The following GRAMD1B variants were observed in gnomAD, a reference collection of about 807,000 sequenced individuals.
The protein encoded by GRAMD1B is GRAM domain containing 1B.
In GRAMD1B, 37 loss-of-function variants were observed where a neutral mutation model predicts 99.7. The ratio of observed to expected loss-of-function variants is 0.37; its 90% confidence interval spans 0.29 to 0.49. The LOEUF is 0.49. Among genes scored for constraint, GRAMD1B ranks in the 20% least tolerant of loss-of-function variants. The probability of loss-of-function intolerance (pLI) is 0.98; values close to 1 mark genes in which losing one functional copy is unlikely to be tolerated. For missense variants in GRAMD1B, 888 were observed against 1,009.2 expected (o/e 0.88, Z 1.63); for synonymous variants, 427 against 387.6 (o/e 1.10, Z -1.19).
intron 1 of GRAMD1B, among the ~76,000 whole-genome samples, chr11:123,439,398 C>G (rs531405556): frequency 6.6e-6 from 1 of 152,314 alleles, no homozygotes; most frequent in East Asian, 1.9e-4. Context: ...TTCAAATATC[C>G]TCTTCTGTTA....
intron 1 of GRAMD1B, among the ~76,000 whole-genome samples, chr11:123,410,401 G>T (rs956589604): frequency 2.0e-5 from 3 of 152,142 alleles, no homozygotes. Flanking sequence ...AGAAGCAGAA[G>T]ATTTCTTGCC....
chr11:123,598,165 T>G, intron 7 of GRAMD1B: 1 of 1,541,078 alleles, frequency 6.5e-7, no homozygotes, highest in Non-Finnish European at 9.0e-7. Context: ...ATGAGCATGA[T>G]GCCATTCAGC....
At chr11:123,597,859 A>G in intron 7 of GRAMD1B, 1 of 749,420 alleles carries the variant, frequency 1.3e-6, no homozygotes. Context: ...AAAGGTCTTT[A>G]AGAGGATTTG....
intron 2 of GRAMD1B, among the ~76,000 whole-genome samples, chr11:123,491,050 T>C (rs1345726370): frequency 6.6e-6 from 1 of 152,194 alleles, no homozygotes; most frequent in Admixed American, 6.5e-5. Context: ...AAGACATTTG[T>C]GGCTGGGTGC....
intron 2 of GRAMD1B, among the ~76,000 whole-genome samples, chr11:123,516,766 C>T (rs750008540): frequency 1.3e-5 from 2 of 152,130 alleles, no homozygotes; most frequent in African/African-American, 2.4e-5. Flanking sequence ...AGACTTGTTG[C>T]CTTATATTTT....
At chr11:123,570,569 G>A (rs971105655) in intron 2 of GRAMD1B, among the ~76,000 whole-genome samples, 18 of 151,786 alleles carry the variant, frequency 1.2e-4, no homozygotes, top group African/African-American at 3.9e-4. Context: ...GATTACAGGT[G>A]TGCACCACCA....
chr11:123,409,914 C>T (rs893635925), intron 1 of GRAMD1B, among the ~76,000 whole-genome samples: 1 of 152,156 alleles, frequency 6.6e-6, no homozygotes, highest in Non-Finnish European at 1.5e-5. Flanking sequence ...CCTTTAGTGG[C>T]GAACAATAGT....
intron 2 of GRAMD1B, among the ~76,000 whole-genome samples, chr11:123,487,398 G>A (rs1307769023): frequency 6.6e-6 from 1 of 152,176 alleles, no homozygotes; most frequent in African/African-American, 2.4e-5. Context: ...CATAAGCATG[G>A]AGGCGGGAGA....
chr11:123,559,623 A>G, intron 2 of GRAMD1B: 1 of 979,654 alleles, frequency 1.0e-6, no homozygotes, highest in Non-Finnish European at 1.2e-6. Context: ...TGGACAGAGA[A>G]AAAAAAAACA....
intron 3 of GRAMD1B, chr11:123,578,381 A>G (rs1592100031): frequency 1.3e-6 from 2 of 1,517,950 alleles, no homozygotes. Flanking sequence ...ACCATTTCCC[A>G]AATACCTTCT....
intron 3 of GRAMD1B, among the ~76,000 whole-genome samples, chr11:123,583,199 T>C (rs966702561): frequency 1.3e-5 from 2 of 151,996 alleles, no homozygotes; most frequent in South Asian, 4.1e-4. Context: ...TATATGTGTG[T>C]GTACGTGTAT....
In GRAMD1B at chr11:123,584,339, A is replaced by G. The variant is rs1463511170; in HGVS notation, c.684+7A>G. The G allele has an allele frequency of 3.3e-6, 2 of 611,894 alleles. No individual in the cohort carries two copies. Among genetic ancestry groups the G allele is most frequent in the Admixed American group, 4.1e-5 (1 of 24,328 alleles). 37.9% of individuals were successfully genotyped at this position (611,894 alleles called of 1,614,324 possible). ...AAGCCAGAGTTGGTATAATGTAAGTATTCCTGTTTCCCTTCTTGTTGGGTA... is the reference window on the plus strand; with the variant it reads ...AAGCCAGAGTTGGTATAATGTAAGTGTTCCTGTTTCCCTTCTTGTTGGGTA... On this transcript the variant is annotated splice_region_variant and intron_variant, in intron 4 of 19. Transcript: ENST00000635736.
chr11:123,555,729 T>C (rs1204766501), intron 2 of GRAMD1B, among the ~76,000 whole-genome samples: 1 of 151,982 alleles, frequency 6.6e-6, no homozygotes, highest in East Asian at 1.9e-4. Flanking sequence ...TTCTCATCAG[T>C]TTGATAAAAT....
At chr11:123,603,910 G>A (rs768737472) in intron 9 of GRAMD1B, among the ~76,000 whole-genome samples, 9 of 152,220 alleles carry the variant, frequency 5.9e-5, no homozygotes, top group Non-Finnish European at 1.2e-4. Flanking sequence ...AGTTAGATGA[G>A]GGATGGTGGT....
chr11:123,622,029 C>CT (rs1414614216), intron 19 of GRAMD1B, among the ~76,000 whole-genome samples: 2 of 105,832 alleles, frequency 1.9e-5, no homozygotes, highest in African/African-American at 6.8e-5. Context: ...CTGTCTCTCT[C>CT]TCTTTTTAAA....
chr11:123,389,177 G>T (rs975976068), intron 1 of GRAMD1B, among the ~76,000 whole-genome samples: 5 of 152,088 alleles, frequency 3.3e-5, no homozygotes, highest in African/African-American at 1.2e-4. Context: ...GAGGTCAGGG[G>T]ATTGAGACCA....
At position 123,610,679 on chromosome 11, in the gene GRAMD1B, T is replaced by A. The variant is rs1953421461; in HGVS notation, c.1919+341T>A. Among the ~76,000 whole-genome samples, 1 of 152,146 alleles carries A rather than the reference T, an allele frequency of 6.6e-6. No homozygotes were observed. Among genetic ancestry groups the A allele is most frequent in the South Asian group, 2.1e-4 (1 of 4,828 alleles). On this transcript the variant is annotated intron_variant, in intron 14 of 19. Coordinates refer to ENST00000635736, the MANE Select transcript of GRAMD1B (RefSeq NM_001387025.1). This position sits in a 1 kb window ranked among gnomAD's most constrained non-coding sequence, Gnocchi z 4.1. ...TCTTCATTTTTCAGATAAAACTGAGTCTCATATGAGTTCAGGAACTTTGCC... is the reference window on the plus strand; with the variant it reads ...TCTTCATTTTTCAGATAAAACTGAGACTCATATGAGTTCAGGAACTTTGCC...
intron 1 of GRAMD1B, among the ~76,000 whole-genome samples, chr11:123,377,805 T>A (rs569802023): frequency 6.6e-6 from 1 of 152,186 alleles, no homozygotes; most frequent in Non-Finnish European, 1.5e-5. Flanking sequence ...GGAGAAAGAT[T>A]AGCCATCTAA....
chr11:123,612,584 A>C (rs1281397449), intron 14 of GRAMD1B, among the ~76,000 whole-genome samples, 177 bp from the exon 15 acceptor site: 1 of 152,204 alleles, frequency 6.6e-6, no homozygotes, highest in Non-Finnish European at 1.5e-5. Flanking sequence ...TAAAATGGGG[A>C]TAAATCCACC....
Sources: gnomAD v4.1 joint callset for allele counts (sites outside exome capture counted in the v4.1 genomes callset) on GRCh38, gnomAD v4.1.1 for gene constraint, Gnocchi (gnomAD v3.1) non-coding constraint, MANE v1.5 for transcripts, NCBI Gene and HGNC (gene_info 2026-07-23, HGNC 2026-07-21) for gene names.